GBF1: variants seen among roughly 807,000 people sequenced by gnomAD.
GBF1 encodes the protein Golgi-specific brefeldin A-resistance guanine nucleotide exchange factor 1.
Under a neutral mutation model 210.5 loss-of-function variants are expected in GBF1, and 114 were observed. The ratio of observed to expected loss-of-function variants is 0.54; its 90% CI spans 0.47 to 0.63. The LOEUF is 0.63. Among genes scored for constraint, GBF1 ranks in the 30% least tolerant of loss-of-function variants. The pLI is 0.00. For missense variants in GBF1, 1,851 were observed against 2,357.7 expected (o/e 0.79, Z 4.45); for synonymous variants, 850 against 889.2 (o/e 0.96, Z 0.78).
At chr10:102,333,043 T>C (rs2057451945) in intron 3 of GBF1, among the ~76,000 whole-genome samples, 1 of 152,188 alleles carries the variant, frequency 6.6e-6, no homozygotes. Flanking sequence ...AATCATAAGT[T>C]TTAGGGACCT....
chr10:102,366,508 T>G lies in GBF1; in HGVS notation c.2433+2T>G. 5.0e-6 allele frequency: 8 copies of G among 1,612,676 alleles called. No individual in the cohort carries two copies. Among genetic ancestry groups the G allele is most frequent in the Non-Finnish European group, 6.8e-6 (8 of 1,179,496 alleles). On this transcript the variant is annotated splice_donor_variant, in intron 19 of 39. Coordinates refer to ENST00000369983, the MANE Select transcript of GBF1 (RefSeq NM_001377137.1). LOFTEE classifies it high-confidence loss of function. The surrounding 1 kb of genome is among the most constrained non-coding windows in gnomAD (Gnocchi z 4.0). ...GAGGCATTCACAGAGCGTTGGATGGTGAGTTTGAGTGTCAGGGGCTGAGCC... is the reference window on the plus strand; with the variant it reads ...GAGGCATTCACAGAGCGTTGGATGGGGAGTTTGAGTGTCAGGGGCTGAGCC...
intron 3 of GBF1, among the ~76,000 whole-genome samples, chr10:102,298,959 T>C (rs537364763): frequency 3.3e-5 from 5 of 152,342 alleles, no homozygotes; most frequent in African/African-American, 1.2e-4. Flanking sequence ...ATCAGGATCA[T>C]GGACTACTAT....
chr10:102,329,525 A>G (rs1189863910), intron 3 of GBF1, among the ~76,000 whole-genome samples: 2 of 152,086 alleles, frequency 1.3e-5, no homozygotes, highest in Non-Finnish European at 1.5e-5. Flanking sequence ...GTGCAGTGGC[A>G]CAATCTCGGC....
Position 102,380,356 on chromosome 10 carries a change from C to T in GBF1, c.4986C>T (p.Asp1662=), listed in dbSNP as rs778301149. The change falls in exon 37 of 40, where the codon GAC becomes GAT. Residue 1662 remains aspartate, a synonymous_variant. Transcript: ENST00000369983. ...MDKYMHAGSS[D]LLSEAIPESL... is the part of the protein sequence containing the mutation. ...AGTACATGCACGCAGGCTCCAGCGACTTACTGGTATGTTCTACCTCAGCTC... is the reference window on the plus strand; with the variant it reads ...AGTACATGCACGCAGGCTCCAGCGATTTACTGGTATGTTCTACCTCAGCTC... 1 of 1,610,762 alleles carries T rather than the reference C, an allele frequency of 6.2e-7. No individual in the cohort carries two copies. Among genetic ancestry groups the T allele is most frequent in the Non-Finnish European group, 8.5e-7 (1 of 1,176,992 alleles).
intron 3 of GBF1, among the ~76,000 whole-genome samples, chr10:102,324,433 C>CTT (rs1314255984): frequency 6.6e-6 from 1 of 152,156 alleles, no homozygotes; most frequent in Non-Finnish European, 1.5e-5. Flanking sequence ...AAATGCCAGG[C>CTT]TTTTACCAGG....
chr10:102,379,571 C>T lies in GBF1; in HGVS notation c.4696C>T (p.Leu1566=), dbSNP rs1477181295. 1.2e-6 allele frequency: 2 copies of T among 1,613,966 alleles called. No homozygotes were observed. The highest frequency in any genetic ancestry group is 2.7e-5 in the African/African-American group (2 of 74,914). Residue 1566 remains leucine (L), a synonymous_variant, in exon 35 of 40, where the codon CTG becomes TTG. Coordinates refer to ENST00000369983, the MANE Select transcript of GBF1 (RefSeq NM_001377137.1). Reference sequence around the variant, plus strand: ...CCGGCGCCAGGTACGGATGCAGGCACTGACCTATCTGCAGCGAGCACTACT... The same window carrying T: ...CCGGCGCCAGGTACGGATGCAGGCATTGACCTATCTGCAGCGAGCACTACT... ...DARRQVRMQA[L]TYLQRALLVH... is the part of the protein sequence containing the mutation.
intron 4 of GBF1, among the ~76,000 whole-genome samples, chr10:102,346,276 C>T (rs1276378059): frequency 4.6e-5 from 7 of 152,034 alleles, no homozygotes; most frequent in Non-Finnish European, 1.0e-4. Flanking sequence ...CCACCATGCC[C>T]GGCCCCTTAT....
At chr10:102,282,231 G>A (rs1383834679) in intron 3 of GBF1, among the ~76,000 whole-genome samples, 1 of 151,934 alleles carries the variant, frequency 6.6e-6, no homozygotes, top group African/African-American at 2.4e-5. Context: ...CACCGCGCCC[G>A]GCCGCCTGTA....
At position 102,376,329 on chromosome 10, in the gene GBF1, G is replaced by A. The variant is rs148702894; in HGVS notation, c.3944G>A (p.Arg1315Gln). 1.1e-5 allele frequency: 18 copies of A among 1,613,772 alleles called. No homozygotes were observed. The highest frequency in any genetic ancestry group is 1.7e-5 in the Admixed American group (1 of 60,010). Residue 1315 changes from arginine (R) to glutamine (Q), a missense_variant, in exon 31 of 40, where the codon CGA (arginine) becomes CAA (glutamine). This residue lies in a region of GBF1 where 967 missense variants were observed against 1,247.7 expected (regional missense o/e 0.78). Coordinates refer to ENST00000369983, the MANE Select transcript of GBF1 (RefSeq NM_001377137.1). ...CATCAGAATGACGTGAGCCTGGATC[G>A]AGGGTACACTTCCGACTCAGAGGTC... ...SYHQNDVSLD[R>Q]GYTSDSEVYT...
intron 24 of GBF1, 94 bp downstream of exon 24, chr10:102,369,481 G>A: frequency 9.4e-7 from 1 of 1,063,192 alleles, no homozygotes; most frequent in East Asian, 2.5e-5. Context: ...TGAGAGTAAT[G>A]TTGGGCCTGA....
intron 3 of GBF1, among the ~76,000 whole-genome samples, chr10:102,309,281 T>C (rs2078203741): frequency 6.6e-6 from 1 of 152,254 alleles, no homozygotes; most frequent in Non-Finnish European, 1.5e-5. Flanking sequence ...TAATTACAGC[T>C]TGTCTTGGGA....
At chr10:102,333,160 C>T (rs1194598641) in intron 3 of GBF1, among the ~76,000 whole-genome samples, 1 of 152,204 alleles carries the variant, frequency 6.6e-6, no homozygotes, top group Non-Finnish European at 1.5e-5. Flanking sequence ...CCCAAGGTCA[C>T]ACAGTTAATG....
At position 102,368,387 on chromosome 10, in the gene GBF1, G is replaced by T. The variant is rs751152589; in HGVS notation, c.2812G>T (p.Ala938Ser). Reference protein sequence around the residue: ...FTMTWGPTIAALSYVFDKSLE... With the variant: ...FTMTWGPTIASLSYVFDKSLE... ...CATGACCTGGGGCCCCACTATTGCT[G>T]CTCTCTCTTATGTCTTTGACAAAAG... The change falls in exon 22 of 40, where the codon GCT (alanine) becomes TCT (serine). Residue 938 changes from alanine to serine, a missense_variant. Coordinates refer to ENST00000369983, the MANE Select transcript of GBF1 (RefSeq NM_001377137.1). The T allele has an allele frequency of 1.1e-5, 18 of 1,613,798 alleles. No individual in the cohort carries two copies. Among genetic ancestry groups the T allele is most frequent in the Non-Finnish European group, 1.2e-5 (14 of 1,179,812 alleles).
intron 3 of GBF1, among the ~76,000 whole-genome samples, chr10:102,327,840 C>G (rs2057020986): frequency 6.6e-6 from 1 of 152,196 alleles, no homozygotes; most frequent in Non-Finnish European, 1.5e-5. Context: ...GACAGACAGA[C>G]AGACAGTGTT....
intron 3 of GBF1, among the ~76,000 whole-genome samples, chr10:102,319,423 T>G (rs2056178295): frequency 6.6e-6 from 1 of 152,250 alleles, no homozygotes; most frequent in Admixed American, 6.5e-5. Flanking sequence ...TATTCAAGTT[T>G]TCCCTTCCTT....
chr10:102,280,839 T>C (rs750574782), intron 3 of GBF1, among the ~76,000 whole-genome samples: 3 of 152,210 alleles, frequency 2.0e-5, no homozygotes, highest in African/African-American at 4.8e-5. Context: ...TCGGCAGATT[T>C]GGGTTGGGTA....
At chr10:102,249,233 CT>C (rs919622936) in intron 1 of GBF1, among the ~76,000 whole-genome samples, 3 of 152,172 alleles carry the variant, frequency 2.0e-5, no homozygotes, top group African/African-American at 4.8e-5. Flanking sequence ...ATCACATAGA[CT>C]TTTTTTCTTT....
intron 3 of GBF1, among the ~76,000 whole-genome samples, chr10:102,269,681 G>A (rs139202086): frequency 2.0e-5 from 3 of 152,210 alleles, no homozygotes; most frequent in Non-Finnish European, 4.4e-5. Context: ...AGAGACCCTT[G>A]ACAAGAGGAT....
chr10:102,375,974 A>G (rs1439763128), intron 30 of GBF1, among the ~76,000 whole-genome samples: 1 of 151,966 alleles, frequency 6.6e-6, no homozygotes, highest in Non-Finnish European at 1.5e-5. Context: ...AGTCCTCAGG[A>G]CAGTGGAAAG....
Sources: gnomAD v4.1 joint callset for allele counts (sites outside exome capture counted in the v4.1 genomes callset) on GRCh38, gnomAD v4.1.1 for gene constraint, gnomAD v4.1.1 regional missense constraint, Gnocchi (gnomAD v3.1) non-coding constraint, MANE v1.5 for transcripts, NCBI Gene and HGNC (gene_info 2026-07-23, HGNC 2026-07-21) for gene names.